Variants in LRRTM4 observed in about 807,000 individuals in gnomAD.
The protein encoded by LRRTM4 is leucine-rich repeat transmembrane neuronal protein 4.
In LRRTM4, 25 loss-of-function variants were observed where a neutral mutation model predicts 47.6. That is an observed-to-expected ratio of 0.53 (90% CI 0.38 to 0.73). The LOEUF (loss-of-function observed/expected upper bound fraction) is 0.73. LRRTM4 is among the 30% of genes least tolerant of loss of function. The pLI, the probability that LRRTM4 is intolerant of heterozygous loss-of-function variation, is 0.00. For missense variants in LRRTM4, 638 were observed against 713.4 expected (o/e 0.89, Z 1.20); for synonymous variants, 311 against 269.5 (o/e 1.15, Z -1.51).
intron 3 of LRRTM4, among the ~76,000 whole-genome samples, chr2:77,391,500 A>G (rs899072033): frequency 6.6e-6 from 1 of 152,050 alleles, no homozygotes; most frequent in East Asian, 1.9e-4. Flanking sequence ...TCTGTCTTCA[A>G]GGCTTATTAA....
At chr2:77,457,042 ATATATATATG>A (rs1188099914) in intron 3 of LRRTM4, among the ~76,000 whole-genome samples, 2,203 of 22,698 alleles carry the variant, frequency 0.097, 102 homozygotes, top group East Asian at 0.13. Flanking sequence ...ATATATATAT[ATATATATATG>A]TATAACCTGG....
At chr2:77,218,196 G>A (rs1308414217) in intron 3 of LRRTM4, among the ~76,000 whole-genome samples, 1 of 152,076 alleles carries the variant, frequency 6.6e-6, no homozygotes, top group Non-Finnish European at 1.5e-5. Context: ...GTTTCTTCAT[G>A]TTGGTCAGGC....
intron 3 of LRRTM4, among the ~76,000 whole-genome samples, chr2:77,141,626 T>A (rs1672125928): frequency 1.3e-5 from 2 of 152,092 alleles, no homozygotes; most frequent in African/African-American, 2.4e-5. Flanking sequence ...ATTAAAAAAA[T>A]GGTTTAACTC....
chr2:77,498,734 A>G (rs1264673424), intron 3 of LRRTM4, among the ~76,000 whole-genome samples: 1 of 151,772 alleles, frequency 6.6e-6, no homozygotes, highest in Non-Finnish European at 1.5e-5. Context: ...TAGTACTACT[A>G]TTGTGGCAAC....
intron 3 of LRRTM4, among the ~76,000 whole-genome samples, chr2:77,151,226 A>G (rs1402400919): frequency 6.6e-6 from 1 of 152,056 alleles, no homozygotes; most frequent in Non-Finnish European, 1.5e-5. Context: ...ACAATACCAT[A>G]TTGTTAATGG....
chr2:76,967,181 G>A lies in LRRTM4; in HGVS notation c.1552-218265C>T, dbSNP rs1367658993. Among the ~76,000 whole-genome samples the A allele has an allele frequency of 3.4e-5, 5 of 145,742 alleles. No individual in the cohort carries two copies. In the South Asian group the frequency reaches 1.1e-3, roughly 31 times the overall value. ...GCTTTTTTTTTTTTTTTTATTCTTA[G>A]GAGAGGCACTACCATTTACCTATTC... On this transcript the variant is annotated intron_variant, in intron 3 of 3. Transcript: ENST00000409884.
At chr2:77,216,320 G>A (rs1030923858) in intron 3 of LRRTM4, among the ~76,000 whole-genome samples, 27 of 152,262 alleles carry the variant, frequency 1.8e-4, no homozygotes, top group African/African-American at 6.5e-4. Flanking sequence ...GTGATTCGAA[G>A]GCAAGTCTAA....
chr2:77,107,584 C>T (rs1485081519), intron 3 of LRRTM4, among the ~76,000 whole-genome samples: 5 of 151,970 alleles, frequency 3.3e-5, no homozygotes, highest in African/African-American at 4.8e-5. Flanking sequence ...TTCGGGAGGC[C>T]GAGGTGGGTG....
intron 3 of LRRTM4, among the ~76,000 whole-genome samples, chr2:77,293,509 T>G (rs763553597): frequency 2.0e-5 from 3 of 152,076 alleles, no homozygotes; most frequent in Non-Finnish European, 4.4e-5. Context: ...AAATATCCGG[T>G]ATTATTATTG....
intron 3 of LRRTM4, among the ~76,000 whole-genome samples, chr2:77,269,214 A>G (rs577002604): frequency 1.3e-5 from 2 of 152,238 alleles, no homozygotes; most frequent in Admixed American, 6.5e-5. Context: ...CTTTCAAAAC[A>G]GCTATTACAA....
chr2:77,103,667 A>ATATATATATCTATATATATC (rs145819033), intron 3 of LRRTM4, among the ~76,000 whole-genome samples: 1 of 146,274 alleles, frequency 6.8e-6, no homozygotes, highest in African/African-American at 2.6e-5. Context: ...ATATATAGAT[A>ATATATATATCTATATATATC]TATATATCAC....
chr2:76,962,621 AAAAT>A (rs1235629235), intron 3 of LRRTM4, among the ~76,000 whole-genome samples: 1 of 150,844 alleles, frequency 6.6e-6, no homozygotes, highest in African/African-American at 2.4e-5. Flanking sequence ...TTTTAAAATA[AAAAT>A]AAATGAAATA....
chr2:77,463,186 C>T (rs1305156525), intron 3 of LRRTM4, among the ~76,000 whole-genome samples: 2 of 151,928 alleles, frequency 1.3e-5, no homozygotes, highest in Non-Finnish European at 2.9e-5. Context: ...CAAACCTGTA[C>T]AGTATGTTAC....
At chr2:77,214,550 C>G (rs1185770913) in intron 3 of LRRTM4, among the ~76,000 whole-genome samples, 1 of 152,018 alleles carries the variant, frequency 6.6e-6, no homozygotes, top group Non-Finnish European at 1.5e-5. Context: ...CTTATTTTGA[C>G]ATTTTCAATA....
chr2:77,264,115 C>G (rs1012442077), intron 3 of LRRTM4, among the ~76,000 whole-genome samples: 4 of 151,798 alleles, frequency 2.6e-5, no homozygotes, highest in African/African-American at 9.7e-5. Flanking sequence ...ACTGAGTTCA[C>G]GCATCCATAA....
At chr2:77,128,726 G>A (rs187985939) in intron 3 of LRRTM4, among the ~76,000 whole-genome samples, 13 of 152,202 alleles carry the variant, frequency 8.5e-5, no homozygotes, top group East Asian at 1.9e-4. Flanking sequence ...TGCTACCTCC[G>A]CCTCCCGGGT....
intron 3 of LRRTM4, among the ~76,000 whole-genome samples, chr2:76,804,996 C>A (rs1573138747): frequency 6.6e-6 from 1 of 151,970 alleles, no homozygotes; most frequent in African/African-American, 2.4e-5. Flanking sequence ...CACCCATTGT[C>A]ATAAAGCGGG....
intron 3 of LRRTM4, among the ~76,000 whole-genome samples, chr2:77,477,998 T>C (rs1208462374): frequency 6.6e-6 from 1 of 151,818 alleles, no homozygotes; most frequent in African/African-American, 2.4e-5. Flanking sequence ...GAGGCAATTA[T>C]TGCTAATTTC....
chr2:76,948,435 TA>T (rs1341994536), intron 3 of LRRTM4, among the ~76,000 whole-genome samples: 1 of 151,836 alleles, frequency 6.6e-6, no homozygotes, highest in African/African-American at 2.4e-5. Context: ...GAAAATGTAA[TA>T]GTCTTACACT....
Sources: gnomAD v4.1 joint callset for allele counts (sites outside exome capture counted in the v4.1 genomes callset) on GRCh38, gnomAD v4.1.1 for gene constraint, MANE v1.5 for transcripts, NCBI Gene and HGNC (gene_info 2026-07-23, HGNC 2026-07-21) for gene names.